Variants in TNS3 observed in about 807,000 individuals in gnomAD.
TNS3 encodes the protein tensin-3.
Under a neutral mutation model 140.9 loss-of-function variants are expected in TNS3, and 45 were observed. That is an observed-to-expected ratio of 0.32 (90% CI 0.25 to 0.41). The LOEUF is 0.41. TNS3 is among the 10% of genes least tolerant of loss of function. The pLI is 1.00. For missense variants in TNS3, 1,716 were observed against 1,906.7 expected, an observed-to-expected ratio of 0.90 and a Z score of 1.86; for synonymous variants, 815 against 788.4, an observed-to-expected ratio of 1.03 and a Z score of -0.56.
At chr7:47,333,831 A>T (rs1230123063) in intron 20 of TNS3, among the ~76,000 whole-genome samples, 4 of 152,248 alleles carry the variant, frequency 2.6e-5, no homozygotes, top group African/African-American at 4.8e-5. Context: ...ATTCTGAATT[A>T]AAAAACTAAA....
At chr7:47,326,036 A>G (rs868779174) in intron 20 of TNS3, among the ~76,000 whole-genome samples, 9 of 152,212 alleles carry the variant, frequency 5.9e-5, no homozygotes, top group African/African-American at 1.7e-4. Context: ...AAATGTTGCC[A>G]TCAGTACAGG....
chr7:47,445,517 C>T (rs745714439), intron 4 of TNS3, among the ~76,000 whole-genome samples: 17 of 152,142 alleles, frequency 1.1e-4, no homozygotes, highest in Non-Finnish European at 2.4e-4. Context: ...CACAGGCTGC[C>T]CCTGAATCAC....
intron 13 of TNS3, among the ~76,000 whole-genome samples, chr7:47,402,997 G>A (rs1426142990): frequency 6.6e-6 from 1 of 152,214 alleles, no homozygotes; most frequent in African/African-American, 2.4e-5. Context: ...CTCAGTCCTG[G>A]CAGGCAGGGA....
chr7:47,440,657 C>T (rs946675917), intron 5 of TNS3, among the ~76,000 whole-genome samples: 15 of 152,104 alleles, frequency 9.9e-5, no homozygotes, highest in East Asian at 3.9e-4. Context: ...CTGAGCCCCT[C>T]CCAGGAGTGC....
At chr7:47,442,711 C>T in intron 4 of TNS3, among the ~76,000 whole-genome samples, 1 of 152,158 alleles carries the variant, frequency 6.6e-6, no homozygotes, top group East Asian at 1.9e-4. Context: ...TGGGGAAACC[C>T]AGACACCCAC....
intron 16 of TNS3, among the ~76,000 whole-genome samples, chr7:47,389,109 C>CGGAAGAAGAAGAAGAAGAAGAAGA (rs1554310453): frequency 1.7e-5 from 1 of 59,078 alleles, no homozygotes; most frequent in African/African-American, 6.8e-5. Context: ...GAAGCGGAAG[C>CGGAAGAAGAAGAAGAAGAAGAAGA]AGAAGAAGAA....
intron 1 of TNS3, among the ~76,000 whole-genome samples, chr7:47,572,139 T>C (rs905865384): frequency 2.0e-5 from 3 of 152,228 alleles, no homozygotes; most frequent in Non-Finnish European, 2.9e-5. Flanking sequence ...GGAATGGGCA[T>C]GTTCTAAAAG....
At chr7:47,454,656 G>C (rs950134633) in intron 4 of TNS3, among the ~76,000 whole-genome samples, 2 of 152,138 alleles carry the variant, frequency 1.3e-5, no homozygotes, top group Admixed American at 1.3e-4. Context: ...GGACAGGCCA[G>C]TTTATTCCTT....
At chr7:47,520,850 TG>T (rs1192558940) in intron 2 of TNS3, among the ~76,000 whole-genome samples, 2 of 152,090 alleles carry the variant, frequency 1.3e-5, no homozygotes, top group African/African-American at 2.4e-5. Context: ...AACCCCAGGG[TG>T]GGGCTGGGCT....
intron 15 of TNS3, among the ~76,000 whole-genome samples, chr7:47,397,139 G>A (rs1483210069): frequency 6.6e-5 from 10 of 152,102 alleles, no homozygotes; most frequent in Admixed American, 5.2e-4. Context: ...CTGATCTTTC[G>A]TCCACTGTGA....
intron 20 of TNS3, among the ~76,000 whole-genome samples, chr7:47,312,681 C>T (rs1787170145): frequency 1.4e-5 from 2 of 138,530 alleles, no homozygotes; most frequent in Non-Finnish European, 3.0e-5. Context: ...CCAGCCTGGG[C>T]GAGAGAGCAA....
At position 47,369,421 on chromosome 7, in the gene TNS3, G is replaced by T; in HGVS notation, c.1225C>A (p.Leu409Met). 6.2e-7 allele frequency: 1 copy of T among 1,614,174 alleles called. No homozygotes were observed. Among genetic ancestry groups the T allele is most frequent in the Non-Finnish European group, 8.5e-7 (1 of 1,180,036 alleles). ...SARTDKTEER[L>M]APGTRRGLSA... ...AGGCCCCTCCTGGTTCCTGGGGCCA[G>T]GCGCTCTTCCGTCTTATCCGTCCTG... is the stretch of plus-strand genomic sequence containing the variant. The change falls in exon 17 of 31, where the codon CTG becomes ATG. Residue 409 changes from leucine (L) to methionine (M), a missense_variant. By Grantham distance (15) the Leu-to-Met change is conservative. Coordinates refer to ENST00000311160, the MANE Select transcript of TNS3 (RefSeq NM_022748.12).
intron 16 of TNS3, among the ~76,000 whole-genome samples, chr7:47,380,881 C>T (rs1455762535): frequency 6.6e-6 from 1 of 152,248 alleles, no homozygotes; most frequent in African/African-American, 2.4e-5. Flanking sequence ...GCTTTCACAG[C>T]AGGACAGTGG....
At chr7:47,530,147 C>T (rs1181814780) in intron 1 of TNS3, among the ~76,000 whole-genome samples, 21 of 152,166 alleles carry the variant, frequency 1.4e-4, no homozygotes, top group Admixed American at 1.3e-3. Flanking sequence ...ATCATAATAA[C>T]TATTCTATAT....
In TNS3 at chr7:47,437,579, G is replaced by C. The variant is rs1795246356; in HGVS notation, c.151-266C>G. Among the ~76,000 whole-genome samples, 3 of 151,472 alleles carry C rather than the reference G, an allele frequency of 2.0e-5. No individual in the cohort carries two copies. In the South Asian group the frequency reaches 6.2e-4, roughly 31 times the overall value. On this transcript the variant is annotated intron_variant, in intron 6 of 30. Transcript: ENST00000311160. Reference sequence around the variant, plus strand: ...AGATTGAAAAATACAGACTTGTGTGGTCACAGAATAAAAAACAAATAAAAT... The same window carrying C: ...AGATTGAAAAATACAGACTTGTGTGCTCACAGAATAAAAAACAAATAAAAT...
chr7:47,304,871 C>T lies in TNS3; in HGVS notation c.2783G>A (p.Cys928Tyr). 1 of 1,405,126 alleles carries T rather than the reference C, an allele frequency of 7.1e-7. No individual in the cohort carries two copies. The highest frequency in any genetic ancestry group is 9.4e-7 in the Non-Finnish European group (1 of 1,067,888). The allele number at this position is 1,405,126 out of a possible 1,614,324, so 87.0% of individuals were successfully genotyped here. ...PSFQQAFASS[C>Y]TISSNGPGQR... is the part of the protein sequence containing the mutation. ...CCCAGGGCCGTTGCTGGAAATGGTG[C>T]AGGAAGAAGCAAAAGCCTGCTGAAA... Residue 928 changes from cysteine (C) to tyrosine (Y), a missense_variant, in exon 21 of 31, where the codon TGC (cysteine) becomes TAC (tyrosine). By Grantham distance (194) the Cys-to-Tyr change is radical. Around this residue, in one of 3 missense-constraint regions of TNS3, gnomAD observed 1,163 missense variants for 1,182.1 expected, o/e 0.98. Coordinates refer to ENST00000311160, the MANE Select transcript of TNS3 (RefSeq NM_022748.12).
intron 6 of TNS3, 100 bp downstream of exon 6, chr7:47,439,387 T>C (rs1584662902): frequency 1.5e-6 from 2 of 1,348,490 alleles, no homozygotes; most frequent in East Asian, 4.9e-5. Flanking sequence ...GCCCTTGAGC[T>C]TCTCCCTCAT....
chr7:47,576,315 C>A (rs940917570), intron 1 of TNS3, among the ~76,000 whole-genome samples: 1 of 152,110 alleles, frequency 6.6e-6, no homozygotes, highest in Non-Finnish European at 1.5e-5. Flanking sequence ...GTGGCTCCCA[C>A]CCCTGAGCTC....
intron 16 of TNS3, among the ~76,000 whole-genome samples, chr7:47,377,710 C>CCCTCCTCCCTCTCCTCCTCCTTCT (rs1791483684): frequency 8.8e-6 from 1 of 113,864 alleles, no homozygotes; most frequent in Non-Finnish European, 1.9e-5. Context: ...CTCTTTTTCC[C>CCCTCCTCCCTCTCCTCCTCCTTCT]CCTCCTCCCT....
Sources: gnomAD v4.1 joint callset for allele counts (sites outside exome capture counted in the v4.1 genomes callset) on GRCh38, gnomAD v4.1.1 for gene constraint, gnomAD v4.1.1 regional missense constraint, MANE v1.5 for transcripts, NCBI Gene and HGNC (gene_info 2026-07-23, HGNC 2026-07-21) for gene names.